ADAM12: variants seen among roughly 807,000 people sequenced by gnomAD.
The protein encoded by ADAM12 is disintegrin and metalloproteinase domain-containing protein 12.
ADAM12 carries 70 observed loss-of-function variants against 106.4 expected under a neutral mutation model. The observed-to-expected ratio is 0.66, with a 90% confidence interval of 0.54 to 0.80. The LOEUF is 0.80. ADAM12 is among the 30% of genes least tolerant of loss of function. The pLI, the probability that ADAM12 is intolerant of heterozygous loss-of-function variation, is 0.00. For synonymous variants in ADAM12, 420 were observed against 433.5 expected, an observed-to-expected ratio of 0.97 and a Z score of 0.39; for missense variants, 1,010 against 1,171.9, an observed-to-expected ratio of 0.86 and a Z score of 2.02.
intron 3 of ADAM12, among the ~76,000 whole-genome samples, chr10:126,166,752 C>T (rs922486536): frequency 6.6e-6 from 1 of 152,138 alleles, no homozygotes; most frequent in Non-Finnish European, 1.5e-5. Context: ...CCGCCTCGAC[C>T]TCCCAAAGGC....
intron 2 of ADAM12, among the ~76,000 whole-genome samples, chr10:126,328,663 G>C (rs1854392595): frequency 6.6e-6 from 1 of 152,254 alleles, no homozygotes; most frequent in Admixed American, 6.5e-5. Flanking sequence ...GAGCCCACTG[G>C]CATTACAACA....
chr10:126,116,658 T>C (rs764508478), intron 6 of ADAM12, among the ~76,000 whole-genome samples: 117 of 151,786 alleles, frequency 7.7e-4, no homozygotes, highest in Non-Finnish European at 1.5e-3. Flanking sequence ...GAAAAAGAGG[T>C]TGTGAGCACC....
At chr10:126,216,163 T>G (rs1957983808) in intron 3 of ADAM12, among the ~76,000 whole-genome samples, 1 of 152,338 alleles carries the variant, frequency 6.6e-6, no homozygotes, top group South Asian at 2.1e-4. Flanking sequence ...AATCACACAC[T>G]GATGTGCCCT....
intron 3 of ADAM12, among the ~76,000 whole-genome samples, chr10:126,256,099 AAAAT>A (rs1398298685): frequency 1.1e-4 from 17 of 152,296 alleles, no homozygotes; most frequent in African/African-American, 3.8e-4. Flanking sequence ...ACACTTAAGA[AAAAT>A]ACTTATGTCC....
chr10:126,222,274 A>C lies in ADAM12; in HGVS notation c.260+56641T>G, dbSNP rs184721025. ...TAGAACATTTATTTCTATAAAAAAAAAGCACCTCATTCAGGGCAATTCGCC... is the reference window on the plus strand; with the variant it reads ...TAGAACATTTATTTCTATAAAAAAACAGCACCTCATTCAGGGCAATTCGCC... On this transcript the variant is annotated intron_variant, in intron 3 of 22. Transcript: ENST00000448723. Among the ~76,000 whole-genome samples the C allele has an allele frequency of 2.4e-3, 372 of 152,194 alleles. 2 individuals are homozygous for C. The highest frequency in any genetic ancestry group is 8.6e-3 in the African/African-American group (357 of 41,534).
chr10:126,260,959 A>G (rs974217207), intron 3 of ADAM12, among the ~76,000 whole-genome samples: 1 of 152,192 alleles, frequency 6.6e-6, no homozygotes, highest in African/African-American at 2.4e-5. Context: ...TAATTGGGGG[A>G]GAAAACAAAA....
At chr10:126,237,924 A>T (rs1958450075) in intron 3 of ADAM12, among the ~76,000 whole-genome samples, 1 of 152,242 alleles carries the variant, frequency 6.6e-6, no homozygotes, top group African/African-American at 2.4e-5. Flanking sequence ...AGCACAGTGC[A>T]CTGAACTCAG....
chr10:126,054,142 T>G (rs1954575067), intron 14 of ADAM12, among the ~76,000 whole-genome samples: 1 of 152,208 alleles, frequency 6.6e-6, no homozygotes, highest in Non-Finnish European at 1.5e-5. Flanking sequence ...TCCAACACTT[T>G]TTAATAGAGA....
At chr10:126,333,787 T>C (rs1053850192) in intron 1 of ADAM12, among the ~76,000 whole-genome samples, 1 of 152,192 alleles carries the variant, frequency 6.6e-6, no homozygotes, top group Non-Finnish European at 1.5e-5. Context: ...AGTATCTCAA[T>C]CCAAAAGGAG....
Position 126,276,885 on chromosome 10 carries a change from G to A in ADAM12, c.260+2030C>T, listed in dbSNP as rs114528458. Among the ~76,000 whole-genome samples the A allele has an allele frequency of 3.0e-3, 457 of 152,264 alleles. 4 individuals are homozygous for A. The highest frequency in any genetic ancestry group is 0.01 in the African/African-American group (432 of 41,554). On this transcript the variant is annotated intron_variant, in intron 3 of 22. Transcript: ENST00000448723. ...AATTAGCTACTCTCTAGCAGTCAAC[G>A]TGTATTATAGTATCTGCAGTAATGG...
At chr10:126,289,152 T>C (rs1403665468) in intron 2 of ADAM12, among the ~76,000 whole-genome samples, 1 of 152,186 alleles carries the variant, frequency 6.6e-6, no homozygotes, top group African/African-American at 2.4e-5. Context: ...GCCTGGGGGC[T>C]GGATAGTGTG....
In ADAM12 at chr10:126,098,401, A is replaced by G. The variant is rs1198722002; in HGVS notation, c.996+15T>C. 4.3e-6 allele frequency: 7 copies of G among 1,610,004 alleles called. No homozygotes were observed. The highest frequency in any genetic ancestry group is 1.3e-5 in the African/African-American group (1 of 74,836). On this transcript the variant is annotated intron_variant, in intron 10 of 22. Transcript: ENST00000448723. ...CATTATCAAGGGGAACCAGCTCCCAATGCCCTTGGCTTACCATGACAATTC... is the reference window on the plus strand; with the variant it reads ...CATTATCAAGGGGAACCAGCTCCCAGTGCCCTTGGCTTACCATGACAATTC...
intron 3 of ADAM12, among the ~76,000 whole-genome samples, chr10:126,157,203 T>C (rs760643742): frequency 1.2e-4 from 19 of 152,166 alleles, no homozygotes; most frequent in Non-Finnish European, 2.2e-4. Context: ...GTCCCTTACT[T>C]CAGGAGAAAG....
At position 126,316,074 on chromosome 10, in the gene ADAM12, G is replaced by A. The variant is rs1184875012; in HGVS notation, c.186+14338C>T. 6.6e-5 allele frequency among the ~76,000 whole-genome samples: 10 copies of A among 152,284 alleles called. No individual in the cohort carries two copies. In the East Asian group the frequency reaches 1.7e-3, roughly 26 times the overall value. On this transcript the variant is annotated intron_variant, in intron 2 of 22. Coordinates refer to ENST00000448723, the MANE Select transcript of ADAM12 (RefSeq NM_001288973.2). The stretch of plus-strand genomic sequence containing the variant: ...TTTTGAACTACAAAAGAAGGAGCTG[G>A]ATTTCAAAGGAGATATGATAGAATT...
At chr10:126,191,007 TTTTTTTTTTTTTC>T (rs1187131375) in intron 3 of ADAM12, among the ~76,000 whole-genome samples, 3 of 128,272 alleles carry the variant, frequency 2.3e-5, no homozygotes, top group African/African-American at 6.4e-5. Context: ...TTTTTTTTTT[TTTTTTTTTTTTTC>T]AGACAGAGTC....
intron 3 of ADAM12, among the ~76,000 whole-genome samples, chr10:126,160,937 T>G (rs1006833302): frequency 2.6e-5 from 4 of 152,316 alleles, no homozygotes; most frequent in Non-Finnish European, 5.9e-5. Context: ...ACATGGCTTT[T>G]CATGTAGCCA....
chr10:126,173,964 A>G (rs920035873), intron 3 of ADAM12, among the ~76,000 whole-genome samples: 1 of 149,968 alleles, frequency 6.7e-6, no homozygotes, highest in Non-Finnish European at 1.5e-5. Flanking sequence ...TACAAACAAC[A>G]TATATATGCC....
intron 3 of ADAM12, among the ~76,000 whole-genome samples, chr10:126,162,373 A>G (rs1352711066): frequency 2.6e-5 from 4 of 152,162 alleles, no homozygotes; most frequent in South Asian, 4.1e-4. Context: ...CAGAAACAGC[A>G]TGCTAGCGGG....
intron 3 of ADAM12, among the ~76,000 whole-genome samples, chr10:126,174,007 G>GTTTTTTTT: frequency 9.9e-6 from 1 of 100,570 alleles, no homozygotes; most frequent in African/African-American, 5.0e-5. Flanking sequence ...ATCTGTTGTT[G>GTTTTTTTT]ATTTTTTTTT....
Sources: gnomAD v4.1 joint callset for allele counts (sites outside exome capture counted in the v4.1 genomes callset) on GRCh38, gnomAD v4.1.1 for gene constraint, MANE v1.5 for transcripts, NCBI Gene and HGNC (gene_info 2026-07-23, HGNC 2026-07-21) for gene names.